The following RABEP1 variants were observed in gnomAD, a reference collection of about 807,000 sequenced individuals.
The protein encoded by RABEP1 is rabaptin, RAB GTPase binding effector protein 1.
Under a neutral mutation model 123.4 loss-of-function variants are expected in RABEP1, and 51 were observed. That is an observed-to-expected ratio of 0.41 (90% confidence interval 0.33 to 0.52). The LOEUF is 0.52. Among genes scored for constraint, RABEP1 ranks in the 20% least tolerant of loss-of-function variants. RABEP1 has a pLI of 0.16. For missense variants in RABEP1, 888 were observed against 996.3 expected, an observed-to-expected ratio of 0.89 and a Z score of 1.46; for synonymous variants, 347 against 355.2, an observed-to-expected ratio of 0.98 and a Z score of 0.26.
At chr17:5,294,897 C>T (rs370972392) in intron 1 of RABEP1, among the ~76,000 whole-genome samples, 4 of 151,204 alleles carry the variant, frequency 2.6e-5, no homozygotes, top group Non-Finnish European at 4.4e-5. Context: ...CTGCCGGCCT[C>T]GGCCTCCCAA....
chr17:5,355,950 A>G (rs1041209943), intron 8 of RABEP1, among the ~76,000 whole-genome samples: 2 of 152,234 alleles, frequency 1.3e-5, no homozygotes, highest in South Asian at 2.1e-4. Context: ...TAGTGTTTTC[A>G]TCATGCAGTA....
Position 5,361,259 on chromosome 17 carries a change from C to A in RABEP1, c.1147C>A (p.Leu383Met). The change falls in exon 9 of 18, where the codon CTG becomes ATG. Residue 383 changes from leucine to methionine, a missense_variant. Physicochemically the swap from Leu to Met is conservative, Grantham distance 15. Coordinates refer to ENST00000537505, the MANE Select transcript of RABEP1 (RefSeq NM_004703.6). ...AGTTCATTCCTTAGATGCAGGCTTG[C>A]TGTTGCCATCTGGAGATCCTTTCAG... ...GSVHSLDAGLLLPSGDPFSKS... is the reference protein window; with the variant it reads ...GSVHSLDAGLMLPSGDPFSKS... 1 of 1,614,170 alleles carries A rather than the reference C, an allele frequency of 6.2e-7. No individual in the cohort carries two copies. The highest frequency in any genetic ancestry group is 2.2e-5 in the East Asian group (1 of 44,884).
chr17:5,381,654 AG>A (rs1911468950), intron 17 of RABEP1, 149 bp downstream of exon 17: 1 of 1,356,058 alleles, frequency 7.4e-7, no homozygotes, highest in African/African-American at 1.5e-5. Flanking sequence ...TCATCATTCA[AG>A]CCAGAAACCT....
chr17:5,373,015 CCCAA>C (rs1451069802), intron 12 of RABEP1, among the ~76,000 whole-genome samples: 1 of 152,230 alleles, frequency 6.6e-6, no homozygotes, highest in Non-Finnish European at 1.5e-5. Flanking sequence ...ACCTCAGCCT[CCCAA>C]AGTGTTGGGA....
Position 5,299,979 on chromosome 17 carries a change from C to T in RABEP1, c.35-8715C>T, listed in dbSNP as rs754449140. Among the ~76,000 whole-genome samples, 4 of 151,992 alleles carry T rather than the reference C, an allele frequency of 2.6e-5. No individual in the cohort carries two copies. The East Asian group carries it at 5.8e-4, about 22-fold the overall frequency. ...TCTTGACCTCATGATCTGCCCACCT[C>T]GGCCTCCCAAAGTGCTGTGATTACA... On this transcript the variant is annotated intron_variant, in intron 1 of 17. Transcript: ENST00000537505.
chr17:5,295,713 T>C (rs1290341543), intron 1 of RABEP1, among the ~76,000 whole-genome samples: 1 of 152,202 alleles, frequency 6.6e-6, no homozygotes, highest in East Asian at 1.9e-4. Flanking sequence ...GCTTCAAAAG[T>C]GAAGGGTTCA....
chr17:5,382,457 T>A (rs1217301007), intron 17 of RABEP1, among the ~76,000 whole-genome samples: 1 of 151,240 alleles, frequency 6.6e-6, no homozygotes, highest in Admixed American at 6.6e-5. Flanking sequence ...CACTTTAAAA[T>A]CCTAGTCTGG....
intron 1 of RABEP1, among the ~76,000 whole-genome samples, chr17:5,300,721 T>G (rs969032239): frequency 7.2e-5 from 11 of 152,190 alleles, no homozygotes; most frequent in African/African-American, 2.2e-4. Context: ...GAGCAGTCTT[T>G]AAGAGTATGG....
chr17:5,317,820 C>T (rs1254962276), intron 2 of RABEP1, among the ~76,000 whole-genome samples: 2 of 152,144 alleles, frequency 1.3e-5, no homozygotes, highest in African/African-American at 4.8e-5. Context: ...TCCAACCCTA[C>T]CTCCCAACCT....
intron 1 of RABEP1, among the ~76,000 whole-genome samples, chr17:5,283,400 C>G (rs2074947846): frequency 6.6e-6 from 1 of 151,996 alleles, no homozygotes. Flanking sequence ...GTTGTCAGAG[C>G]CCTTCGTGAC....
At chr17:5,323,231 A>G (rs894728630) in intron 2 of RABEP1, among the ~76,000 whole-genome samples, 4 of 152,222 alleles carry the variant, frequency 2.6e-5, no homozygotes, top group African/African-American at 7.2e-5. Flanking sequence ...CCATCCATAC[A>G]TGACAAACCC....
intron 7 of RABEP1, among the ~76,000 whole-genome samples, chr17:5,353,813 G>A (rs1480519566): frequency 3.9e-5 from 6 of 152,128 alleles, no homozygotes; most frequent in South Asian, 4.1e-4. Context: ...GTGAAACCCC[G>A]TCTCTACAAA....
chr17:5,327,741 G>A (rs553107369), intron 2 of RABEP1, among the ~76,000 whole-genome samples: 1 of 152,178 alleles, frequency 6.6e-6, no homozygotes, highest in South Asian at 2.1e-4. Context: ...TTTTTCTTAT[G>A]TAAACATTTA....
Position 5,383,780 on chromosome 17 carries a change from G to A in RABEP1, c.*557G>A, listed in dbSNP as rs928983929. 3 of 214,974 alleles carry A rather than the reference G, an allele frequency of 1.4e-5. No homozygotes were observed. The highest frequency in any genetic ancestry group is 2.7e-5 in the Non-Finnish European group (3 of 109,502). The allele number at this position is 214,974 out of a possible 1,614,324, so 13.3% of individuals were successfully genotyped here. ...CCATTTTATCTTATCTTGCTTTGGA[G>A]GACCTTAAATGCTACTGAAACTTAC... On this transcript the variant is annotated 3_prime_UTR_variant, in exon 18 of 18. Transcript: ENST00000537505.
intron 3 of RABEP1, among the ~76,000 whole-genome samples, chr17:5,332,596 ATTTTTT>A (rs553120401): frequency 9.4e-5 from 10 of 105,914 alleles, no homozygotes; most frequent in African/African-American, 3.7e-4. Flanking sequence ...ACGTTTTAGA[ATTTTTT>A]TTTTTTTTTT....
chr17:5,316,898 A>C (rs946133867), intron 2 of RABEP1, among the ~76,000 whole-genome samples: 2 of 151,722 alleles, frequency 1.3e-5, no homozygotes, highest in South Asian at 2.1e-4. Context: ...TAAATTTAAA[A>C]ATTTTTTTTT....
At chr17:5,369,475 A>G (rs1910353910) in intron 12 of RABEP1, among the ~76,000 whole-genome samples, 2 of 152,194 alleles carry the variant, frequency 1.3e-5, no homozygotes, top group Admixed American at 1.3e-4. Flanking sequence ...TTTAATTGGC[A>G]TTATTAGGTC....
chr17:5,352,288 G>A (rs1171668816), intron 7 of RABEP1, among the ~76,000 whole-genome samples: 1 of 151,610 alleles, frequency 6.6e-6, no homozygotes, highest in Non-Finnish European at 1.5e-5. Flanking sequence ...CGCCTCCCAG[G>A]CTCAAGTGAT....
intron 2 of RABEP1, among the ~76,000 whole-genome samples, chr17:5,331,407 A>G (rs1015043100): frequency 6.6e-6 from 1 of 152,160 alleles, no homozygotes; most frequent in Non-Finnish European, 1.5e-5. Flanking sequence ...GGCCAAACAT[A>G]TGTTCTGCCT....
Sources: gnomAD v4.1 joint callset for allele counts (sites outside exome capture counted in the v4.1 genomes callset) on GRCh38, gnomAD v4.1.1 for gene constraint, MANE v1.5 for transcripts, NCBI Gene and HGNC (gene_info 2026-07-23, HGNC 2026-07-21) for gene names.